The following STX10 variants were observed in gnomAD, a reference collection of about 807,000 sequenced individuals.
STX10 encodes syntaxin-10.
STX10 carries 35 observed loss-of-function variants against 34.1 expected under a neutral mutation model. The ratio of observed to expected loss-of-function variants is 1.03; its 90% CI spans 0.78 to 1.36. STX10 has a LOEUF of 1.36. Ranked by LOEUF, STX10 falls within the 40% of genes most tolerant of loss-of-function variation. The probability of loss-of-function intolerance (pLI) is 0.00; values close to 1 mark genes in which losing one functional copy is unlikely to be tolerated. For synonymous variants in STX10, 155 were observed against 132.9 expected, an observed-to-expected ratio of 1.17 and a Z score of -1.15; for missense variants, 361 against 335.5, an observed-to-expected ratio of 1.08 and a Z score of -0.59.
intron 4 of STX10, among the ~76,000 whole-genome samples, chr19:13,145,989 G>A (rs2145636101): frequency 6.9e-6 from 1 of 144,136 alleles, no homozygotes; most frequent in African/African-American, 2.6e-5. Flanking sequence ...TCACACCACT[G>A]CACTCCAGCC....
At position 13,148,304 on chromosome 19, in the gene STX10, G is replaced by C. The variant is rs542084870; in HGVS notation, c.363+725C>G. ...GGATCACCTGAGGTTGGGAGTTCAAGATCAGCCTGACCAACATGGAGAAAC... is the reference window on the plus strand; with the variant it reads ...GGATCACCTGAGGTTGGGAGTTCAACATCAGCCTGACCAACATGGAGAAAC... On this transcript the variant is annotated intron_variant, in intron 4 of 7. Coordinates refer to ENST00000587230, the MANE Select transcript of STX10 (RefSeq NM_003765.3). Among the ~76,000 whole-genome samples, 272 of 152,064 alleles carry C rather than the reference G, an allele frequency of 1.8e-3. 2 individuals are homozygous for C. Among genetic ancestry groups the C allele is most frequent in the Middle Eastern group, 0.01 (3 of 294 alleles).
At position 13,150,191 on chromosome 19, in the gene STX10, C is replaced by G. The variant is rs187045567; in HGVS notation, c.-18G>C. The G allele has an allele frequency of 1.0e-3, 1,000 of 985,916 alleles. 5 individuals are homozygous for G. The African/African-American group carries it at 0.015, about 14-fold the overall frequency. The allele number at this position is 985,916 out of a possible 1,614,324, so 61.1% of individuals were successfully genotyped here. A position where few individuals can be genotyped will look rare whatever the true frequency, so the allele number is the denominator to read the frequency against. On this transcript the variant is annotated 5_prime_UTR_variant, in exon 1 of 8. Coordinates refer to ENST00000587230, the MANE Select transcript of STX10 (RefSeq NM_003765.3). The surrounding 1 kb of genome is among the most constrained non-coding windows in gnomAD (Gnocchi z 4.0). ...AGAGACATGTCAGTCCCTTCCCCCCCAGGCCGAACCCCCCTCCCGGCCTGG... is the reference window on the plus strand; with the variant it reads ...AGAGACATGTCAGTCCCTTCCCCCCGAGGCCGAACCCCCCTCCCGGCCTGG...
chr19:13,144,686 A>G lies in STX10; in HGVS notation c.579-15T>C. The G allele has an allele frequency of 6.2e-7, 1 of 1,613,908 alleles. No homozygotes were observed. The highest frequency in any genetic ancestry group is 1.1e-5 in the South Asian group (1 of 91,066). ...CATCCAGCATGCTGCCAAGAACAGGATGGCATCAGCCCCAGATGGCCCAGA... is the reference window on the plus strand; with the variant it reads ...CATCCAGCATGCTGCCAAGAACAGGGTGGCATCAGCCCCAGATGGCCCAGA... On this transcript the variant is annotated splice_polypyrimidine_tract_variant and intron_variant, in intron 6 of 7. Coordinates refer to ENST00000587230, the MANE Select transcript of STX10 (RefSeq NM_003765.3).
rs1400254175 is a variant in STX10, at chr19:13,144,377, C to T, written c.*33G>A. On this transcript the variant is annotated 3_prime_UTR_variant, in exon 8 of 8. Transcript: ENST00000587230. ...CCAAAGTGCTTGGTGGCTCCCCAGG[C>T]TTAAGGGACCAGCCTGCCAGGGAGG... The T allele has an allele frequency of 5.0e-6, 8 of 1,592,812 alleles. No homozygotes were observed. The highest frequency in any genetic ancestry group is 6.8e-6 in the Non-Finnish European group (8 of 1,171,422).
Position 13,144,720 on chromosome 19 carries a change from G to T in STX10, c.578+44C>A, listed in dbSNP as rs375441191. 3.2e-5 allele frequency: 51 copies of T among 1,612,984 alleles called. 1 individual carries two copies. In the African/African-American group the frequency reaches 6.1e-4, roughly 19 times the overall value. ...GCCCCAGATGGCCCAGACACACCAG[G>T]GTGGCCGAGAGCCCCTGGCCCACCC... is the stretch of plus-strand genomic sequence containing the variant. On this transcript the variant is annotated intron_variant, in intron 6 of 7. Transcript: ENST00000587230.
At chr19:13,149,006 C>T in intron 4 of STX10, 23 bp downstream of exon 4, 1 of 1,591,880 alleles carries the variant, frequency 6.3e-7, no homozygotes, top group Non-Finnish European at 8.6e-7. Context: ...CTCAGGTGGG[C>T]AGGGTGGGTC....
At chr19:13,148,970 G>A in intron 4 of STX10, 59 bp downstream of exon 4, 2 of 1,425,886 alleles carry the variant, frequency 1.4e-6, no homozygotes, top group Admixed American at 1.9e-5. Context: ...ACGCACAGAG[G>A]GATCTGGCTT....
Position 13,149,563 on chromosome 19 carries a change from T to C in STX10, c.236A>G (p.Lys79Arg). 6.2e-7 allele frequency: 1 copy of C among 1,614,076 alleles called. No homozygotes were observed. The highest frequency in any genetic ancestry group is 8.5e-7 in the Non-Finnish European group (1 of 1,180,008). ...CTCCTGCAGGTCCCCGGCTGGGAGC[T>C]TGAACTTGCCTGGGTTGGCTTCCAC... ...GIVEANPGKF[K>R]LPAGDLQERK... The change falls in exon 3 of 8, where the codon AAG becomes AGG. Residue 79 changes from lysine to arginine, a missense_variant. Lys to Arg is a conservative substitution (Grantham distance 26). Transcript: ENST00000587230.
Position 13,149,543 on chromosome 19 carries a change from G to C in STX10, c.256C>G (p.Gln86Glu). The C allele has an allele frequency of 6.2e-7, 1 of 1,613,992 alleles. No individual in the cohort carries two copies. Among genetic ancestry groups the C allele is most frequent in the Non-Finnish European group, 8.5e-7 (1 of 1,180,010 alleles). The change falls in exon 3 of 8, where the codon CAG becomes GAG. Residue 86 changes from glutamine to glutamate, a missense_variant. Transcript: ENST00000587230. ...CGCTCCACGAACACCTTTCTCTCCTGCAGGTCCCCGGCTGGGAGCTTGAAC... is the reference window on the plus strand; with the variant it reads ...CGCTCCACGAACACCTTTCTCTCCTCCAGGTCCCCGGCTGGGAGCTTGAAC... Reference protein sequence around the residue: ...GKFKLPAGDLQERKVFVERMR... With the variant: ...GKFKLPAGDLEERKVFVERMR...
intron 4 of STX10, among the ~76,000 whole-genome samples, chr19:13,147,195 G>A (rs1186515790): frequency 4.6e-5 from 7 of 151,888 alleles, no homozygotes; most frequent in Non-Finnish European, 7.4e-5. Context: ...CCAAGTGCAC[G>A]CACCCAAATA....
chr19:13,147,893 CAAAAA>C (rs1159793123), intron 4 of STX10, among the ~76,000 whole-genome samples: 4 of 54,624 alleles, frequency 7.3e-5, no homozygotes, highest in Non-Finnish European at 1.3e-4. Context: ...CACTCCGTCT[CAAAAA>C]AAAAAAAAAA....
At chr19:13,149,128 C>T (rs2019982526) in intron 3 of STX10, 37 bp from the exon 4 acceptor site, 12 of 1,556,628 alleles carry the variant, frequency 7.7e-6, no homozygotes, top group Admixed American at 1.9e-5. Context: ...GAAAGACACT[C>T]AGGCTGGGCG....
chr19:13,148,887 G>A (rs2019974826), intron 4 of STX10, 142 bp downstream of exon 4: 1 of 649,530 alleles, frequency 1.5e-6, no homozygotes, highest in Non-Finnish European at 2.7e-6. Flanking sequence ...CCGAGAAAGT[G>A]CAGGCAGGTA....
intron 4 of STX10, among the ~76,000 whole-genome samples, chr19:13,147,535 G>GCTAGTGGATCACAAGGTCAGGAGAT (rs1469955541): frequency 2.0e-5 from 3 of 151,964 alleles, no homozygotes; most frequent in Non-Finnish European, 2.9e-5. Context: ...GGAGGCTGAA[G>GCTAGTGGATCACAAGGTCAGGAGAT]CTAGTGGATC....
At chr19:13,148,503 CAAAAA>C (rs35867694) in intron 4 of STX10, among the ~76,000 whole-genome samples, 5 of 75,338 alleles carry the variant, frequency 6.6e-5, no homozygotes, top group Admixed American at 2.9e-4. Flanking sequence ...AACTCCATCT[CAAAAA>C]AAAAAAAAAA....
intron 4 of STX10, 118 bp downstream of exon 4, chr19:13,148,911 T>C: frequency 1.3e-6 from 1 of 758,058 alleles, no homozygotes; most frequent in African/African-American, 1.8e-5. Flanking sequence ...AGCAAGAAGA[T>C]AACTGCCCAC....
At chr19:13,146,228 G>A (rs567192155) in intron 4 of STX10, among the ~76,000 whole-genome samples, 1 of 151,934 alleles carries the variant, frequency 6.6e-6, no homozygotes, top group African/African-American at 2.4e-5. Flanking sequence ...AATGGGAAGA[G>A]CTAGAATCCG....
chr19:13,145,252 C>T, intron 5 of STX10, 36 bp downstream of exon 5: 1 of 1,584,398 alleles, frequency 6.3e-7, no homozygotes. Flanking sequence ...CTGCAAGGCT[C>T]TCCCCTCCCA....
intron 3 of STX10, among the ~76,000 whole-genome samples, 162 bp from the exon 4 acceptor site, chr19:13,149,253 A>C (rs1486221673): frequency 6.6e-6 from 1 of 151,820 alleles, no homozygotes; most frequent in Non-Finnish European, 1.5e-5. Flanking sequence ...CTCTACTAAA[A>C]ACACAAAACT....
Sources: gnomAD v4.1 joint callset for allele counts (sites outside exome capture counted in the v4.1 genomes callset) on GRCh38, gnomAD v4.1.1 for gene constraint, Gnocchi (gnomAD v3.1) non-coding constraint, MANE v1.5 for transcripts, NCBI Gene and HGNC (gene_info 2026-07-23, HGNC 2026-07-21) for gene names.